CYP4X1: variants seen among roughly 807,000 people sequenced by gnomAD.
CYP4X1 encodes the protein cytochrome P450 family 4 subfamily X member 1, also known as cytochrome P450 4X1.
Under a neutral mutation model 57.9 loss-of-function variants are expected in CYP4X1, and 44 were observed. The observed-to-expected ratio is 0.76, with a 90% CI of 0.60 to 0.98. The LOEUF (loss-of-function observed/expected upper bound fraction) is 0.98, where lower values mean the gene tolerates loss of function less well. Among genes scored for constraint, CYP4X1 ranks in the 50% least tolerant of loss-of-function variants. The pLI, the probability that CYP4X1 is intolerant of heterozygous loss-of-function variation, is 0.00. For synonymous variants in CYP4X1, 227 were observed against 228.6 expected (o/e 0.99, Z 0.06); for missense variants, 532 against 623.9 (o/e 0.85, Z 1.57).
chr1:47,009,567 G>C, the CYP4X1 span, among the ~76,000 whole-genome samples: 5 of 152,122 alleles, frequency 3.3e-5, no homozygotes, highest in African/African-American at 1.2e-4. Flanking sequence ...GATCAGAGCA[G>C]AACTGAAGGA....
chr1:46,962,330 CT>C, the CYP4X1 span, among the ~76,000 whole-genome samples: 1 of 152,204 alleles, frequency 6.6e-6, no homozygotes, highest in African/African-American at 2.4e-5. Flanking sequence ...GTTGGTCAGG[CT>C]GGTCTCAAAC....
chr1:47,008,961 C>A, the CYP4X1 span, among the ~76,000 whole-genome samples: 1 of 152,092 alleles, frequency 6.6e-6, no homozygotes, highest in Non-Finnish European at 1.5e-5. Context: ...GACTCCCACA[C>A]AATAATGGGA....
At chr1:46,966,499 C>T in the CYP4X1 span, among the ~76,000 whole-genome samples, 14 of 152,166 alleles carry the variant, frequency 9.2e-5, no homozygotes, top group African/African-American at 3.1e-4. Context: ...TCAGTCACTG[C>T]TTCTCTTGGC....
At chr1:46,988,469 G>C in the CYP4X1 span, among the ~76,000 whole-genome samples, 1 of 152,074 alleles carries the variant, frequency 6.6e-6, no homozygotes, top group Non-Finnish European at 1.5e-5. Context: ...AACAGGAATG[G>C]TACCATTCCT....
At chr1:47,006,178 T>C in the CYP4X1 span, among the ~76,000 whole-genome samples, 2 of 152,354 alleles carry the variant, frequency 1.3e-5, no homozygotes, top group East Asian at 3.9e-4. Flanking sequence ...TTATTTTTGA[T>C]CCTCATTTAA....
At chr1:47,044,753 T>C (rs1284528475) in intron 8 of CYP4X1, among the ~76,000 whole-genome samples, 1 of 152,196 alleles carries the variant, frequency 6.6e-6, no homozygotes, top group South Asian at 2.1e-4. Context: ...AAATATAACT[T>C]TTGTTCCATG....
chr1:46,967,644 T>C, the CYP4X1 span: 2 of 420,298 alleles, frequency 4.8e-6, no homozygotes, highest in East Asian at 8.3e-5. Context: ...GGAGCAGGGG[T>C]GAGGAAGACA....
At chr1:47,000,239 A>C in the CYP4X1 span, among the ~76,000 whole-genome samples, 11,320 of 151,258 alleles carry the variant, frequency 0.075, 1,226 homozygotes, top group African/African-American at 0.24. Context: ...GTGCGCTTTG[A>C]CTCTCCTTTG....
the CYP4X1 span, among the ~76,000 whole-genome samples, chr1:46,991,582 C>T: frequency 2.0e-5 from 3 of 152,156 alleles, no homozygotes; most frequent in African/African-American, 7.2e-5. Context: ...CATCATCTGA[C>T]CTCTGTATTT....
Position 47,050,159 on chromosome 1 carries a change from ACT to A in CYP4X1, c.1520_1521del (p.Ser507Ter), listed in dbSNP as rs759948921. On this transcript the variant is annotated frameshift_variant, in exon 12 of 12. Transcript: ENST00000371901. LOFTEE classifies it high-confidence loss of function. ...KNGMYLHLKKLSEC is the reference protein window; with the variant it reads ...KNGMYLHLKKXSEC ...ATGGGATGTATTTGCACCTGAAGAA[ACT>A]CTCTGAATGTTAGATCTCAGGGTAC... is the stretch of plus-strand genomic sequence containing the variant. The A allele has an allele frequency of 1.9e-6, 3 of 1,613,646 alleles. No homozygotes were observed. Among genetic ancestry groups the A allele is most frequent in the African/African-American group, 1.3e-5 (1 of 74,808 alleles).
chr1:47,022,283 CTTTTTTTTTT>C (rs11352280), upstream of CYP4X1, among the ~76,000 whole-genome samples: 2 of 77,344 alleles, frequency 2.6e-5, no homozygotes, highest in South Asian at 5.9e-4. Context: ...TGGGGCCTGT[CTTTTTTTTTT>C]TTTTTTTTTT....
chr1:47,039,275 T>A (rs1644218862), intron 7 of CYP4X1, 67 bp from the exon 8 acceptor site: 5 of 1,383,574 alleles, frequency 3.6e-6, no homozygotes, highest in Non-Finnish European at 3.9e-6. Flanking sequence ...AAATCATTAT[T>A]GTGGTTGTAT....
intron 9 of CYP4X1, among the ~76,000 whole-genome samples, 181 bp downstream of exon 9, chr1:47,046,781 A>G (rs990781094): frequency 6.6e-5 from 10 of 152,332 alleles, no homozygotes; most frequent in Middle Eastern, 3.4e-3. Flanking sequence ...ATGAATTTCA[A>G]TGACTTTCCC....
chr1:47,001,680 T>C, the CYP4X1 span, among the ~76,000 whole-genome samples: 1 of 152,186 alleles, frequency 6.6e-6, no homozygotes, highest in Non-Finnish European at 1.5e-5. Flanking sequence ...TTCAGAAGTT[T>C]TTCTTCTTTG....
the CYP4X1 span, among the ~76,000 whole-genome samples, chr1:46,996,470 G>C: frequency 2.0e-5 from 3 of 152,202 alleles, no homozygotes; most frequent in Non-Finnish European, 4.4e-5. Context: ...CTCTCTATTC[G>C]GGGTGGTTTC....
the CYP4X1 span, among the ~76,000 whole-genome samples, chr1:46,978,733 C>A: frequency 1.3e-5 from 2 of 151,382 alleles, no homozygotes; most frequent in Non-Finnish European, 2.9e-5. Context: ...AAGTGAAGCA[C>A]CCCTTAGCAA....
the CYP4X1 span, among the ~76,000 whole-genome samples, chr1:46,999,026 T>TGTGTGTGTGTGTG: frequency 6.4e-3 from 912 of 143,320 alleles, 13 homozygotes; most frequent in African/African-American, 0.022. Flanking sequence ...CTTGCTTTCT[T>TGTGTGTGTGTGTG]TGTGTGTGTG....
At chr1:47,014,755 C>T in the CYP4X1 span, among the ~76,000 whole-genome samples, 1 of 152,184 alleles carries the variant, frequency 6.6e-6, no homozygotes, top group East Asian at 1.9e-4. Flanking sequence ...TCCATCTCCT[C>T]TGGAGGTTCT....
At chr1:47,053,021 A>G (rs1488998823), downstream of CYP4X1, among the ~76,000 whole-genome samples, 1 of 152,020 alleles carries the variant, frequency 6.6e-6, no homozygotes, top group Non-Finnish European at 1.5e-5. Flanking sequence ...GCACCCATTA[A>G]CTCATCATTT....
Sources: gnomAD v4.1 joint callset for allele counts (sites outside exome capture counted in the v4.1 genomes callset) on GRCh38, gnomAD v4.1.1 for gene constraint, MANE v1.5 for transcripts, NCBI Gene and HGNC (gene_info 2026-07-23, HGNC 2026-07-21) for gene names.